The following ANO4 variants were observed in gnomAD, a reference collection of about 807,000 sequenced individuals.
ANO4 encodes anoctamin-4.
ANO4 carries 69 observed loss-of-function variants against 141.9 expected under a neutral mutation model. The ratio of observed to expected loss-of-function variants is 0.49; its 90% CI spans 0.40 to 0.59. The LOEUF is 0.59. Among genes scored for constraint, ANO4 ranks in the 20% least tolerant of loss-of-function variants. The pLI is 0.00. For synonymous variants in ANO4, 350 were observed against 394.3 expected (o/e 0.89, Z 1.33); for missense variants, 894 against 1,162.2 (o/e 0.77, Z 3.36).
intron 2 of ANO4, among the ~76,000 whole-genome samples, chr12:100,909,344 T>C (rs2040997623): frequency 6.6e-6 from 1 of 152,214 alleles, no homozygotes. Context: ...AGACAAATGA[T>C]AGGACAGAAG....
intron 3 of ANO4, among the ~76,000 whole-genome samples, chr12:100,770,131 C>G (rs970942449): frequency 6.6e-6 from 1 of 152,152 alleles, no homozygotes; most frequent in Non-Finnish European, 1.5e-5. Flanking sequence ...GCTTTGGCTA[C>G]CAGGACACTC....
At chr12:100,875,434 A>G (rs1364310912) in intron 1 of ANO4, among the ~76,000 whole-genome samples, 1 of 152,242 alleles carries the variant, frequency 6.6e-6, no homozygotes, top group Non-Finnish European at 1.5e-5. Flanking sequence ...AAGGGAGCCT[A>G]GAAATGTCGT....
intron 1 of ANO4, among the ~76,000 whole-genome samples, chr12:100,867,626 AC>A (rs2038817146): frequency 6.6e-6 from 1 of 152,096 alleles, no homozygotes; most frequent in African/African-American, 2.4e-5. Flanking sequence ...ACACACACAC[AC>A]ACACACACTC....
chr12:100,966,022 G>A (rs569855994), intron 5 of ANO4, among the ~76,000 whole-genome samples: 5 of 152,064 alleles, frequency 3.3e-5, no homozygotes, highest in Admixed American at 1.3e-4. Context: ...AGACGAACCT[G>A]CAGGAAACCC....
At chr12:100,751,529 A>G (rs1253129141) in intron 3 of ANO4, among the ~76,000 whole-genome samples, 1 of 152,108 alleles carries the variant, frequency 6.6e-6, no homozygotes, top group Non-Finnish European at 1.5e-5. Flanking sequence ...TGTCTTTTTC[A>G]GGCAAATAAG....
intron 1 of ANO4, among the ~76,000 whole-genome samples, chr12:100,847,525 G>C (rs899627668): frequency 6.8e-6 from 1 of 147,468 alleles, no homozygotes; most frequent in Non-Finnish European, 1.5e-5. Flanking sequence ...AGGCTGGAGC[G>C]CAGTGGTGCA....
At chr12:101,113,787 A>C (rs1462908322) in intron 24 of ANO4, among the ~76,000 whole-genome samples, 2 of 152,162 alleles carry the variant, frequency 1.3e-5, no homozygotes, top group African/African-American at 4.8e-5. Context: ...AAGGATTGAA[A>C]ATTATAAGTG....
intron 3 of ANO4, among the ~76,000 whole-genome samples, chr12:100,753,987 T>C (rs978314356): frequency 1.3e-5 from 2 of 152,148 alleles, no homozygotes; most frequent in Non-Finnish European, 2.9e-5. Context: ...AACCAACCAC[T>C]CATTTGCAGT....
At chr12:101,112,264 A>G (rs940116420) in intron 24 of ANO4, among the ~76,000 whole-genome samples, 3 of 152,190 alleles carry the variant, frequency 2.0e-5, no homozygotes, top group Admixed American at 6.5e-5. Context: ...ACCAATGCCT[A>G]TATTACCCCA....
rs996632502 is a variant in ANO4, at chr12:100,860,882, G to C, written c.-140-40764G>C. Reference sequence around the variant, plus strand: ...GTGTGTCCAGAGTTCGTTCCTTCTGGTGCATTTGTGTTCTCGCTGACTTCA... The same window carrying C: ...GTGTGTCCAGAGTTCGTTCCTTCTGCTGCATTTGTGTTCTCGCTGACTTCA... On this transcript the variant is annotated intron_variant, in intron 1 of 27. Coordinates refer to ENST00000392977, the MANE Select transcript of ANO4 (RefSeq NM_001286615.2). Among the ~76,000 whole-genome samples, 4 of 152,140 alleles carry C rather than the reference G, an allele frequency of 2.6e-5. 1 individual carries two copies. Among genetic ancestry groups the C allele is most frequent in the Admixed American group, 2.6e-4 (4 of 15,276 alleles).
At chr12:100,787,294 C>T (rs1352299671) in intron 3 of ANO4, among the ~76,000 whole-genome samples, 1 of 152,116 alleles carries the variant, frequency 6.6e-6, no homozygotes. Context: ...TAAGGATTCA[C>T]AGGAGGAGGG....
intron 9 of ANO4, among the ~76,000 whole-genome samples, chr12:101,033,804 C>T (rs2047082476): frequency 6.6e-6 from 1 of 152,084 alleles, no homozygotes; most frequent in African/African-American, 2.4e-5. Flanking sequence ...AGAGAAAAAA[C>T]AACCCCATGA....
chr12:101,015,197 G>A lies in ANO4; in HGVS notation c.735-4837G>A, dbSNP rs541763482. 2.6e-5 allele frequency among the ~76,000 whole-genome samples: 4 copies of A among 152,248 alleles called. No individual in the cohort carries two copies. In the South Asian group the frequency reaches 6.2e-4, roughly 24 times the overall value. On this transcript the variant is annotated intron_variant, in intron 8 of 27. Transcript: ENST00000392977. ...AAATTTCCTAAGTATGTACAATGAA[G>A]TTTTCCTCCTGTCTATCCAGCCACC...
At chr12:100,987,366 C>T (rs927566364) in intron 7 of ANO4, among the ~76,000 whole-genome samples, 173 bp from the exon 8 acceptor site, 1 of 152,136 alleles carries the variant, frequency 6.6e-6, no homozygotes, top group Non-Finnish European at 1.5e-5. Context: ...ATCAAAACAA[C>T]ACTAGAGTTC....
At chr12:100,838,196 C>T (rs1274839168) in intron 1 of ANO4, among the ~76,000 whole-genome samples, 1 of 142,122 alleles carries the variant, frequency 7.0e-6, no homozygotes, top group African/African-American at 2.6e-5. Context: ...CTTCATTACA[C>T]TCCAGCCTGG....
intron 7 of ANO4, among the ~76,000 whole-genome samples, chr12:100,976,561 A>T (rs2044203339): frequency 6.6e-6 from 1 of 152,206 alleles, no homozygotes; most frequent in South Asian, 2.1e-4. Flanking sequence ...TAAGGCACAG[A>T]TTTCTAGGCC....
intron 27 of ANO4, 106 bp from the exon 28 acceptor site, chr12:101,127,755 A>C (rs180748842): frequency 6.5e-6 from 1 of 152,784 alleles, no homozygotes; most frequent in East Asian, 1.9e-4. Flanking sequence ...TGGGGTTACA[A>C]ATTCTTTGAA....
chr12:101,119,717 TTAAAAA>T (rs1321903320), intron 25 of ANO4, among the ~76,000 whole-genome samples: 4 of 152,182 alleles, frequency 2.6e-5, no homozygotes, highest in Middle Eastern at 3.4e-3. Context: ...TACATATAAG[TTAAAAA>T]TAAAAATGAA....
chr12:100,847,873 A>C (rs886907754), intron 1 of ANO4, among the ~76,000 whole-genome samples: 1 of 152,318 alleles, frequency 6.6e-6, no homozygotes, highest in East Asian at 1.9e-4. Flanking sequence ...AGTAACATCA[A>C]GTTATCTTGG....
Sources: allele counts gnomAD v4.1 joint callset (sites outside exome capture counted in the v4.1 genomes callset), GRCh38; gene constraint gnomAD v4.1.1; transcripts MANE v1.5; gene names NCBI Gene and HGNC (gene_info 2026-07-23, HGNC 2026-07-21).